Variants in ZBTB20 observed in about 807,000 individuals in gnomAD.
The protein encoded by ZBTB20 is zinc finger and BTB domain containing 20, also known as zinc finger and BTB domain-containing protein 20.
In ZBTB20, 9 loss-of-function variants were observed where a neutral mutation model predicts 56.9. That is an observed-to-expected ratio of 0.16 (90% CI 0.10 to 0.28). ZBTB20 has a LOEUF of 0.28. Among genes scored for constraint, ZBTB20 ranks in the 10% least tolerant of loss-of-function variants. The pLI is 1.00. For missense variants in ZBTB20, 655 were observed against 1,003.0 expected (o/e 0.65, Z 4.69); for synonymous variants, 417 against 420.7 (o/e 0.99, Z 0.11).
chr3:114,643,480 C>A (rs1227697825), intron 6 of ZBTB20, among the ~76,000 whole-genome samples: 2 of 152,058 alleles, frequency 1.3e-5, no homozygotes, highest in African/African-American at 4.8e-5. Flanking sequence ...ATTAAATGAT[C>A]CCTTTGTAGT....
intron 5 of ZBTB20, among the ~76,000 whole-genome samples, chr3:114,734,284 C>T (rs1016950292): frequency 1.3e-5 from 2 of 151,640 alleles, no homozygotes; most frequent in Non-Finnish European, 2.9e-5. Flanking sequence ...ATTTAAAAAA[C>T]ACTGGAGACC....
chr3:114,785,947 C>T (rs1297356445), intron 5 of ZBTB20, among the ~76,000 whole-genome samples: 2 of 152,128 alleles, frequency 1.3e-5, no homozygotes, highest in Non-Finnish European at 2.9e-5. Flanking sequence ...CTGTCCCCAG[C>T]TCCTGGCAAT....
chr3:114,464,250 T>C (rs1420316816), intron 7 of ZBTB20, among the ~76,000 whole-genome samples: 3 of 152,206 alleles, frequency 2.0e-5, no homozygotes, highest in African/African-American at 4.8e-5. Flanking sequence ...GAGGTGAAAG[T>C]TGTGATTCTT....
chr3:114,739,347 C>G (rs1312237034), intron 5 of ZBTB20, among the ~76,000 whole-genome samples: 1 of 152,164 alleles, frequency 6.6e-6, no homozygotes, highest in Non-Finnish European at 1.5e-5. Flanking sequence ...TGTGTCAAAC[C>G]TTAGATAATT....
At chr3:114,436,445 G>A (rs1236365244) in intron 7 of ZBTB20, among the ~76,000 whole-genome samples, 3 of 152,148 alleles carry the variant, frequency 2.0e-5, no homozygotes, top group African/African-American at 4.8e-5. Context: ...GTAAAAAGAG[G>A]AGACTCGAGA....
At chr3:114,764,751 A>G (rs1523267) in intron 5 of ZBTB20, among the ~76,000 whole-genome samples, 5,211 of 152,252 alleles carry the variant, frequency 0.034, 144 homozygotes, top group African/African-American at 0.07. Flanking sequence ...GTAAGGAGAA[A>G]ATAATATATT....
intron 7 of ZBTB20, among the ~76,000 whole-genome samples, chr3:114,439,080 G>A (rs1222946405): frequency 6.6e-6 from 1 of 152,070 alleles, no homozygotes; most frequent in Admixed American, 6.6e-5. Flanking sequence ...TGGCTTCTGC[G>A]ACATTTGTCA....
chr3:114,924,275 TCATAATACCCAAAAGATGGAAACTA>T (rs1291183519), intron 3 of ZBTB20, among the ~76,000 whole-genome samples: 1 of 152,180 alleles, frequency 6.6e-6, no homozygotes, highest in Non-Finnish European at 1.5e-5. Flanking sequence ...GCAGCATTAT[TCATAATACCCAAAAGATGGAAACTA>T]CCTAAGTATC....
At chr3:114,760,676 T>C (rs1203591569) in intron 5 of ZBTB20, among the ~76,000 whole-genome samples, 1 of 152,232 alleles carries the variant, frequency 6.6e-6, no homozygotes, top group Non-Finnish European at 1.5e-5. Flanking sequence ...CAAAAAAGCA[T>C]GCAGCATCTC....
In ZBTB20 at chr3:114,477,485, T is replaced by C. The variant is rs994561767; in HGVS notation, c.-255+22867A>G. ...GCTACTGAAAATGACCTTTGTTCCC[T>C]GCACTTTTTTTTTTTTTTTTTTTTT... is the stretch of plus-strand genomic sequence containing the variant. On this transcript the variant is annotated intron_variant, in intron 7 of 11. Transcript: ENST00000675478. Among the ~76,000 whole-genome samples the C allele has an allele frequency of 2.0e-5, 3 of 149,824 alleles. No individual in the cohort carries two copies. The East Asian group carries it at 5.8e-4, about 29-fold the overall frequency.
chr3:114,826,872 A>C (rs1226048181), intron 4 of ZBTB20, among the ~76,000 whole-genome samples: 1 of 151,656 alleles, frequency 6.6e-6, no homozygotes, highest in Non-Finnish European at 1.5e-5. Flanking sequence ...ATAAGAATAA[A>C]ATTGTGAAAG....
intron 7 of ZBTB20, among the ~76,000 whole-genome samples, chr3:114,449,788 C>T (rs759585671): frequency 2.1e-4 from 32 of 151,776 alleles, no homozygotes; most frequent in Non-Finnish European, 3.8e-4. Flanking sequence ...TGAGATCAGG[C>T]ATGTTCAGAC....
At chr3:115,061,087 T>C (rs2081996001) in intron 2 of ZBTB20, among the ~76,000 whole-genome samples, 1 of 152,118 alleles carries the variant, frequency 6.6e-6, no homozygotes, top group African/African-American at 2.4e-5. Context: ...GCAAAAGTCC[T>C]TAGGTTTGGA....
At chr3:114,615,444 T>C (rs1358378661) in intron 6 of ZBTB20, among the ~76,000 whole-genome samples, 1 of 152,220 alleles carries the variant, frequency 6.6e-6, no homozygotes. Context: ...GAAGGGCAAG[T>C]TGGGGTAAGG....
intron 6 of ZBTB20, among the ~76,000 whole-genome samples, chr3:114,612,195 C>T (rs761429471): frequency 1.3e-5 from 2 of 152,150 alleles, no homozygotes; most frequent in African/African-American, 2.4e-5. Context: ...TAAAGTTCTC[C>T]GTCTACTATT....
chr3:114,393,170 C>T (rs894023376), intron 7 of ZBTB20, among the ~76,000 whole-genome samples: 1 of 152,188 alleles, frequency 6.6e-6, no homozygotes, highest in African/African-American at 2.4e-5. Flanking sequence ...GGCTCAAGAG[C>T]TCTTCATTGT....
chr3:114,613,413 T>C (rs1369902537), intron 6 of ZBTB20, among the ~76,000 whole-genome samples: 1 of 152,170 alleles, frequency 6.6e-6, no homozygotes, highest in Admixed American at 6.5e-5. Context: ...TATTGAATAA[T>C]AGTAGTAGAC....
chr3:114,513,494 G>T (rs1559894073), intron 6 of ZBTB20, among the ~76,000 whole-genome samples: 2 of 152,130 alleles, frequency 1.3e-5, no homozygotes, highest in African/African-American at 4.8e-5. Flanking sequence ...TGGGGTAGGG[G>T]GTGTGTAGAA....
intron 6 of ZBTB20, among the ~76,000 whole-genome samples, chr3:114,561,320 G>A (rs575864561): frequency 3.9e-5 from 6 of 152,186 alleles, no homozygotes; most frequent in East Asian, 3.9e-4. Context: ...TTATGACATC[G>A]AGAATGGTGG....
Sources: gnomAD v4.1 joint callset for allele counts (sites outside exome capture counted in the v4.1 genomes callset) on GRCh38, gnomAD v4.1.1 for gene constraint, MANE v1.5 for transcripts, NCBI Gene and HGNC (gene_info 2026-07-23, HGNC 2026-07-21) for gene names.